Variants in ATP2C1 observed in about 807,000 individuals in gnomAD.
ATP2C1 encodes the protein calcium-transporting ATPase type 2C member 1.
Under a neutral mutation model 120.5 loss-of-function variants are expected in ATP2C1, and 31 were observed. The observed-to-expected ratio is 0.26, with a 90% CI of 0.19 to 0.35. The LOEUF (loss-of-function observed/expected upper bound fraction) is 0.35. ATP2C1 is among the 10% of genes least tolerant of loss of function. The pLI is 1.00. For synonymous variants in ATP2C1, 351 were observed against 358.7 expected, an observed-to-expected ratio of 0.98 and a Z score of 0.24; for missense variants, 731 against 1,107.5, an observed-to-expected ratio of 0.66 and a Z score of 4.83.
chr3:130,990,691 C>T (rs766998791), intron 20 of ATP2C1, among the ~76,000 whole-genome samples: 3 of 152,104 alleles, frequency 2.0e-5, no homozygotes, highest in African/African-American at 7.2e-5. Flanking sequence ...GAAACTAGGG[C>T]AGAAATAAGA....
At chr3:130,937,000 ACTG>A (rs2059702923) in intron 5 of ATP2C1, among the ~76,000 whole-genome samples, 1 of 147,474 alleles carries the variant, frequency 6.8e-6, no homozygotes, top group Non-Finnish European at 1.5e-5. Context: ...AATTTAAAAC[ACTG>A]CTATTTTTCT....
At chr3:130,879,473 TG>T (rs939829573) in intron 1 of ATP2C1, among the ~76,000 whole-genome samples, 2 of 152,258 alleles carry the variant, frequency 1.3e-5, no homozygotes, top group African/African-American at 2.4e-5. Flanking sequence ...TATCTGTATT[TG>T]TTTGCATTTC....
rs2067655530 is a variant in ATP2C1, at chr3:130,850,926, C to T, written c.106C>T (p.Gln36Ter). The T allele has an allele frequency of 7.3e-7, 1 of 1,376,332 alleles. No individual in the cohort carries two copies. Among genetic ancestry groups the T allele is most frequent in the South Asian group, 1.7e-5 (1 of 57,934 alleles). 85.3% of individuals were successfully genotyped at this position (1,376,332 alleles called of 1,614,324 possible). ...GCTGAGAAACCAAAGAGCCGAAGAA[C>T]AGGTATCATTTTGTTTATATTATCT... The change falls in exon 1 of 27, where the codon CAG (glutamine) becomes TAG (stop). Residue 36 changes from glutamine (Q) to a stop codon, truncating the protein, a stop_gained and splice_region_variant. Transcript: ENST00000504381. LOFTEE classifies it high-confidence loss of function.
In ATP2C1 at chr3:130,894,162, CG is replaced by C; in HGVS notation, c.-355del. 1.4e-6 allele frequency: 1 copy of C among 733,878 alleles called. No homozygotes were observed. The highest frequency in any genetic ancestry group is 1.7e-6 in the Non-Finnish European group (1 of 600,198). 45.5% of individuals were successfully genotyped at this position (733,878 alleles called of 1,614,324 possible). A position where few individuals can be genotyped will look rare whatever the true frequency, so the allele number is the denominator to read the frequency against. On this transcript the variant is annotated 5_prime_UTR_variant, in exon 1 of 28. Transcript: ENST00000510168. The surrounding 1 kb of genome is among the most constrained non-coding windows in gnomAD (Gnocchi z 4.5). Reference sequence around the variant, plus strand: ...CCTCCTCTTCTCTCCCCTCCCCGCCCGCCCTCTCTCCCTCCCTTCCTCCCTC... The same window carrying C: ...CCTCCTCTTCTCTCCCCTCCCCGCCCCCCTCTCTCCCTCCCTTCCTCCCTC...
At chr3:130,887,315 G>C (rs2107847356) in intron 1 of ATP2C1, among the ~76,000 whole-genome samples, 2 of 152,272 alleles carry the variant, frequency 1.3e-5, no homozygotes, top group Admixed American at 1.3e-4. Context: ...ATGGCTTTCT[G>C]TAACCACTAC....
upstream of ATP2C1, among the ~76,000 whole-genome samples, chr3:130,891,039 T>G (rs1484060579): frequency 1.3e-5 from 2 of 152,162 alleles, no homozygotes; most frequent in Non-Finnish European, 2.9e-5. Flanking sequence ...ATGGCATCAT[T>G]GCACTCCAGC....
intron 14 of ATP2C1, among the ~76,000 whole-genome samples, chr3:130,966,631 A>G (rs1020141968): frequency 2.6e-5 from 4 of 152,064 alleles, no homozygotes; most frequent in Non-Finnish European, 5.9e-5. Context: ...TATGATATAA[A>G]TACCTGGTTT....
chr3:130,937,377 A>C, intron 5 of ATP2C1, 51 bp from the exon 6 acceptor site: 4 of 1,471,704 alleles, frequency 2.7e-6, no homozygotes, highest in Non-Finnish European at 3.8e-6. Flanking sequence ...TACAGTTAAC[A>C]GTTACTTCTC....
chr3:130,921,906 A>G (rs866613252), intron 2 of ATP2C1, among the ~76,000 whole-genome samples: 2 of 152,146 alleles, frequency 1.3e-5, no homozygotes, highest in Middle Eastern at 3.4e-3. Context: ...TTTATTAAGG[A>G]TATTGGTCTG....
chr3:130,875,444 G>C (rs2068570819), intron 1 of ATP2C1, among the ~76,000 whole-genome samples: 1 of 152,136 alleles, frequency 6.6e-6, no homozygotes, highest in Non-Finnish European at 1.5e-5. Flanking sequence ...ATGTTGCCAT[G>C]AATGACAGGA....
chr3:130,995,851 G>A (rs535286549), intron 22 of ATP2C1, among the ~76,000 whole-genome samples, 192 bp from the exon 23 acceptor site: 4 of 152,232 alleles, frequency 2.6e-5, no homozygotes, highest in African/African-American at 7.2e-5. Context: ...GCACCATGGT[G>A]GCCAGGCTGG....
chr3:131,009,304 T>A (rs2063226956), intron 26 of ATP2C1, among the ~76,000 whole-genome samples: 1 of 152,214 alleles, frequency 6.6e-6, no homozygotes, highest in East Asian at 1.9e-4. Flanking sequence ...ATTTGCATAG[T>A]TCCCACAGAT....
intron 1 of ATP2C1, among the ~76,000 whole-genome samples, chr3:130,888,955 TAA>T (rs938736180): frequency 1.3e-5 from 2 of 152,174 alleles, no homozygotes; most frequent in Non-Finnish European, 2.9e-5. Context: ...CTTCGAATAT[TAA>T]ACACTGAAAT....
Position 130,894,209 on chromosome 3 carries a change from C to A in ATP2C1, c.-309C>A. On this transcript the variant is annotated 5_prime_UTR_variant, in exon 1 of 28. Transcript: ENST00000510168. The surrounding 1 kb of genome is among the most constrained non-coding windows in gnomAD (Gnocchi z 4.5). ...CCCTCCCGCTCGCTTCTTCTCACGC[C>A]GGGAGCAGGCTCCCGCCTCGCACCG... The A allele has an allele frequency of 2.0e-6, 2 of 984,958 alleles. No individual in the cohort carries two copies. Among genetic ancestry groups the A allele is most frequent in the Non-Finnish European group, 2.4e-6 (2 of 829,670 alleles). 61.0% of individuals were successfully genotyped at this position (984,958 alleles called of 1,614,324 possible).
intron 2 of ATP2C1, among the ~76,000 whole-genome samples, chr3:130,897,656 G>C (rs985447734): frequency 3.3e-5 from 5 of 152,136 alleles, no homozygotes; most frequent in African/African-American, 1.2e-4. Flanking sequence ...TCATCCATGT[G>C]TTGGTTCCTT....
rs1036396397 is a variant in ATP2C1, at chr3:131,002,229, C to T, written c.*879C>T. The T allele has an allele frequency of 1.0e-6, 1 of 967,280 alleles. No homozygotes were observed. The allele number at this position is 967,280 out of a possible 1,614,324, so 59.9% of individuals were successfully genotyped here. A position where few individuals can be genotyped will look rare whatever the true frequency, so the allele number is the denominator to read the frequency against. Reference sequence around the variant, plus strand: ...TTGTCAAATATCATTTTGTCATCCTCTAAATATAAATCCAAATACCTCAGC... The same window carrying T: ...TTGTCAAATATCATTTTGTCATCCTTTAAATATAAATCCAAATACCTCAGC... On this transcript the variant is annotated 3_prime_UTR_variant, in exon 28 of 28. Coordinates refer to ENST00000510168, the MANE Select transcript of ATP2C1 (RefSeq NM_001378687.1).
Position 131,002,748 on chromosome 3 carries a change from A to G in ATP2C1, c.*1398A>G. 1.0e-6 allele frequency: 1 copy of G among 985,430 alleles called. No individual in the cohort carries two copies. The highest frequency in any genetic ancestry group is 1.1e-4 in the East Asian group (1 of 8,822). 61.0% of individuals were successfully genotyped at this position (985,430 alleles called of 1,614,324 possible). ...CAGGATGAACCACTCCTTAGCTTTTATCCAATATTAAACTGCAAGTGTTAG... is the reference window on the plus strand; with the variant it reads ...CAGGATGAACCACTCCTTAGCTTTTGTCCAATATTAAACTGCAAGTGTTAG... On this transcript the variant is annotated 3_prime_UTR_variant, in exon 28 of 28. Transcript: ENST00000510168.
At chr3:130,870,949 C>T (rs992062039) in intron 1 of ATP2C1, among the ~76,000 whole-genome samples, 4 of 152,084 alleles carry the variant, frequency 2.6e-5, no homozygotes, top group South Asian at 2.1e-4. Flanking sequence ...AAATTGCCAC[C>T]GCCACTTCAA....
rs1449861580 is a variant in ATP2C1 at position 131,013,142 on chromosome 3, A to T, written c.2630-3010A>T. On this transcript the variant is annotated intron_variant, in intron 26 of 26. Transcript: ENST00000328560. ...TGGTTCTCTTTATTTTCAAGTTCTC[A>T]TTTGGAACTGGCCGGCACTTTCAGA... Among the ~76,000 whole-genome samples the T allele has an allele frequency of 3.9e-5, 6 of 152,272 alleles. No homozygotes were observed. The South Asian group carries it at 1.0e-3, about 26-fold the overall frequency.
Sources: allele counts gnomAD v4.1 joint callset (sites outside exome capture counted in the v4.1 genomes callset), GRCh38; gene constraint gnomAD v4.1.1; non-coding constraint Gnocchi (gnomAD v3.1); transcripts MANE v1.5; gene names NCBI Gene and HGNC (gene_info 2026-07-23, HGNC 2026-07-21).